ROBO2: variants seen among roughly 807,000 people sequenced by gnomAD.
ROBO2 encodes roundabout guidance receptor 2, also known as roundabout homolog 2.
ROBO2 carries 53 observed loss-of-function variants against 160.8 expected under a neutral mutation model. That is an observed-to-expected ratio of 0.33 (90% confidence interval 0.26 to 0.41). The LOEUF is 0.41. ROBO2 is among the 10% of genes least tolerant of loss of function. The probability of loss-of-function intolerance (pLI) is 1.00; values close to 1 mark genes in which losing one functional copy is unlikely to be tolerated. For missense variants in ROBO2, 1,577 were observed against 1,722.4 expected (o/e 0.92, Z 1.49); for synonymous variants, 664 against 611.7 (o/e 1.09, Z -1.26).
At chr3:76,380,854 C>A (rs1229722973) in intron 2 of ROBO2, among the ~76,000 whole-genome samples, 2 of 151,974 alleles carry the variant, frequency 1.3e-5, no homozygotes, top group Admixed American at 6.6e-5. Flanking sequence ...GATAAAGTAT[C>A]ATTGTTTGGA....
intron 2 of ROBO2, among the ~76,000 whole-genome samples, chr3:76,735,786 A>AAGG (rs1553886639): frequency 7.9e-6 from 1 of 126,600 alleles, no homozygotes; most frequent in African/African-American, 2.9e-5. Context: ...GAAAAAAAAA[A>AAGG]GGGGAAAGGG....
chr3:77,221,414 C>A (rs2085769379), intron 2 of ROBO2, among the ~76,000 whole-genome samples: 4 of 152,078 alleles, frequency 2.6e-5, no homozygotes, highest in Admixed American at 2.0e-4. Context: ...TGTTTTAAAG[C>A]TAGTAAGGGT....
rs373666727 is a variant in ROBO2, at chr3:76,272,790, A to ATG, written c.109+335189_109+335190insGT. Among the ~76,000 whole-genome samples, 12 of 12,142 alleles carry ATG rather than the reference A, an allele frequency of 9.9e-4. 1 individual carries two copies. Among genetic ancestry groups the ATG allele is most frequent in the African/African-American group, 1.9e-3 (12 of 6,342 alleles). 8.0% of individuals were successfully genotyped at this position (12,142 alleles called of 152,430 possible). ...TATATTTATATATAAAATATATAAA[A>ATG]TATATATATATAAAATATATAATAT... On this transcript the variant is annotated intron_variant, in intron 2 of 26. Coordinates refer to the ROBO2 transcript ENST00000487694.
intron 1 of ROBO2, among the ~76,000 whole-genome samples, chr3:77,088,252 A>G (rs562107530): frequency 2.0e-5 from 3 of 152,332 alleles, no homozygotes; most frequent in East Asian, 3.9e-4. Flanking sequence ...ATTCAGGTTG[A>G]AAGTTTTATG....
At chr3:76,140,221 TA>T (rs2071580223) in intron 2 of ROBO2, among the ~76,000 whole-genome samples, 1 of 152,082 alleles carries the variant, frequency 6.6e-6, no homozygotes, top group Non-Finnish European at 1.5e-5. Context: ...CAATTAGGAC[TA>T]ACTTGAATAT....
At chr3:76,677,956 TGC>T (rs2092453397) in intron 2 of ROBO2, among the ~76,000 whole-genome samples, 2 of 138,476 alleles carry the variant, frequency 1.4e-5, no homozygotes, top group African/African-American at 2.7e-5. Flanking sequence ...AAAGAAAATA[TGC>T]TTTTTTTTTT....
chr3:77,074,521 C>T (rs1231553556), intron 1 of ROBO2, among the ~76,000 whole-genome samples: 1 of 152,100 alleles, frequency 6.6e-6, no homozygotes, highest in Admixed American at 6.6e-5. Flanking sequence ...TATTAGTTCA[C>T]CTAGTTTGCT....
At chr3:76,013,231 T>G (rs2066261701) in intron 2 of ROBO2, among the ~76,000 whole-genome samples, 1 of 140,828 alleles carries the variant, frequency 7.1e-6, no homozygotes, top group African/African-American at 2.7e-5. Flanking sequence ...CGGTGGCTTA[T>G]GTGTGTAATC....
chr3:75,980,677 G>A (rs1396931556), intron 2 of ROBO2, among the ~76,000 whole-genome samples: 2 of 151,464 alleles, frequency 1.3e-5, no homozygotes, highest in Admixed American at 6.6e-5. Context: ...AAGACTCAAA[G>A]CATTGCTACT....
intron 2 of ROBO2, among the ~76,000 whole-genome samples, chr3:76,949,274 C>T (rs2078811412): frequency 6.6e-6 from 1 of 151,996 alleles, no homozygotes; most frequent in African/African-American, 2.4e-5. Flanking sequence ...AATTTTTTGT[C>T]AGAATCCTGC....
At chr3:76,965,669 T>TA (rs375028767) in intron 2 of ROBO2, among the ~76,000 whole-genome samples, 1,227 of 122,610 alleles carry the variant, frequency 0.01, 6 homozygotes, top group Non-Finnish European at 0.013. Flanking sequence ...CTATCAAAGG[T>TA]AAAAAAAAAA....
At chr3:76,187,528 C>T (rs1274541980) in intron 2 of ROBO2, among the ~76,000 whole-genome samples, 1 of 152,068 alleles carries the variant, frequency 6.6e-6, no homozygotes, top group Non-Finnish European at 1.5e-5. Flanking sequence ...CTTGCCTTGG[C>T]CTCACAAAGT....
At chr3:76,788,801 A>C (rs535774731) in intron 2 of ROBO2, among the ~76,000 whole-genome samples, 1 of 151,626 alleles carries the variant, frequency 6.6e-6, no homozygotes, top group South Asian at 2.1e-4. Context: ...TTGATATAGC[A>C]CGGTTCCATA....
At chr3:76,375,033 C>A in intron 2 of ROBO2, among the ~76,000 whole-genome samples, 1 of 150,632 alleles carries the variant, frequency 6.6e-6, no homozygotes, top group South Asian at 2.1e-4. Flanking sequence ...GATGGAATCA[C>A]TGAGTTAGAT....
chr3:76,275,087 G>T (rs1311940966), intron 2 of ROBO2, among the ~76,000 whole-genome samples: 1 of 152,062 alleles, frequency 6.6e-6, no homozygotes, highest in African/African-American at 2.4e-5. Flanking sequence ...AAAAGTGATT[G>T]ACAACAGTAG....
intron 24 of ROBO2, among the ~76,000 whole-genome samples, chr3:77,638,578 G>C (rs1462259016): frequency 6.6e-6 from 1 of 152,076 alleles, no homozygotes; most frequent in African/African-American, 2.4e-5. Flanking sequence ...GGAAATGTCA[G>C]TCTGTATCCC....
chr3:77,295,218 A>C (rs1484611745), intron 2 of ROBO2, among the ~76,000 whole-genome samples: 1 of 149,860 alleles, frequency 6.7e-6, no homozygotes, highest in Non-Finnish European at 1.5e-5. Flanking sequence ...TTAAACGGTA[A>C]GCTGAGGCTA....
chr3:76,435,331 A>G, intron 2 of ROBO2: 1 of 833,008 alleles, frequency 1.2e-6, no homozygotes, highest in Non-Finnish European at 2.1e-6. Flanking sequence ...ATTCCTACAG[A>G]AGGCGGTGAC....
intron 2 of ROBO2, among the ~76,000 whole-genome samples, chr3:76,871,024 A>G (rs551654359): frequency 6.6e-6 from 1 of 152,304 alleles, no homozygotes; most frequent in South Asian, 2.1e-4. Context: ...ACGAACAACA[A>G]TGATAGCATG....
Sources: allele counts gnomAD v4.1 joint callset (sites outside exome capture counted in the v4.1 genomes callset), GRCh38; gene constraint gnomAD v4.1.1; transcripts MANE v1.5; gene names NCBI Gene and HGNC (gene_info 2026-07-23, HGNC 2026-07-21).